The following FAM227B variants were observed in gnomAD, a reference collection of about 807,000 sequenced individuals.
The protein encoded by FAM227B is protein FAM227B.
In FAM227B, 88 loss-of-function variants were observed where a neutral mutation model predicts 73.8. The ratio of observed to expected loss-of-function variants is 1.19; its 90% CI spans 1.00 to 1.42. The LOEUF is 1.42. Among genes scored for constraint, FAM227B ranks in the 40% most tolerant of loss-of-function variants. FAM227B has a pLI of 0.00. For missense variants in FAM227B, 632 were observed against 590.9 expected, an observed-to-expected ratio of 1.07 and a Z score of -0.72; for synonymous variants, 210 against 190.5, an observed-to-expected ratio of 1.10 and a Z score of -0.84.
chr15:49,474,507 T>C (rs962325918), intron 11 of FAM227B, among the ~76,000 whole-genome samples: 7 of 152,048 alleles, frequency 4.6e-5, no homozygotes, highest in African/African-American at 1.7e-4. Context: ...GGTAAATCAA[T>C]GGGACAAAAC....
At chr15:49,519,560 G>A (rs911940013) in intron 10 of FAM227B, among the ~76,000 whole-genome samples, 1 of 152,160 alleles carries the variant, frequency 6.6e-6, no homozygotes, top group Non-Finnish European at 1.5e-5. Flanking sequence ...AACACCATGT[G>A]TAAGCCACCG....
Position 49,597,868 on chromosome 15 carries a change from C to T in FAM227B, c.106-7861G>A, listed in dbSNP as rs569582155. Among the ~76,000 whole-genome samples the T allele has an allele frequency of 8.8e-4, 134 of 151,700 alleles. 5 individuals are homozygous for T. In the South Asian group the frequency reaches 0.027, roughly 30 times the overall value. ...TCTTCACACACATAAACTAGAAAAC[C>T]TAGAGGAGATGGATAAATTCCTGGA... On this transcript the variant is annotated intron_variant, in intron 3 of 15. Transcript: ENST00000299338.
chr15:49,366,440 T>C, intron 13 of FAM227B: 2 of 922,044 alleles, frequency 2.2e-6, no homozygotes, highest in East Asian at 4.8e-5. Flanking sequence ...GTTCTTTATG[T>C]CAACAGGAGG....
intron 1 of FAM227B, among the ~76,000 whole-genome samples, chr15:49,616,482 G>A (rs2078295052): frequency 6.6e-6 from 1 of 152,066 alleles, no homozygotes; most frequent in South Asian, 2.1e-4. Flanking sequence ...TGTGAAAAAT[G>A]CCACACACTT....
In FAM227B at chr15:49,576,745, A is replaced by C; in HGVS notation, c.542T>G (p.Phe181Cys). 1 of 1,550,232 alleles carries C rather than the reference A, an allele frequency of 6.5e-7. No homozygotes were observed. Among genetic ancestry groups the C allele is most frequent in the Non-Finnish European group, 8.9e-7 (1 of 1,123,256 alleles). Residue 181 changes from phenylalanine (F) to cysteine (C), a missense_variant, in exon 7 of 16, where the codon TTT (phenylalanine) becomes TGT (cysteine). Coordinates refer to ENST00000299338, the MANE Select transcript of FAM227B (RefSeq NM_152647.3). ...TAAAATGAAATATTTACATACATCAAAATTATGGGCTTTTAAAATAAAAAG... is the reference window on the plus strand; with the variant it reads ...TAAAATGAAATATTTACATACATCACAATTATGGGCTTTTAAAATAAAAAG... ...IYLFILKAHN[F>C]DERVFKIWKT...
At chr15:49,436,273 T>C (rs190486447) in intron 11 of FAM227B, among the ~76,000 whole-genome samples, 6 of 151,756 alleles carry the variant, frequency 4.0e-5, no homozygotes, top group East Asian at 1.9e-4. Flanking sequence ...CTGAAAATAT[T>C]TGAGTAGTCA....
chr15:49,380,397 G>T, intron 11 of FAM227B, among the ~76,000 whole-genome samples: 1 of 152,046 alleles, frequency 6.6e-6, no homozygotes, highest in Non-Finnish European at 1.5e-5. Context: ...TGGTACCTAA[G>T]GTGAAGACAA....
At chr15:49,489,860 T>TATA (rs2056864120) in intron 11 of FAM227B, among the ~76,000 whole-genome samples, 8 of 6,812 alleles carry the variant, frequency 1.2e-3, no homozygotes, top group South Asian at 5.3e-3. Flanking sequence ...TATATATATT[T>TATA]TATATATATA....
intron 11 of FAM227B, among the ~76,000 whole-genome samples, chr15:49,467,612 T>C (rs1170645428): frequency 3.3e-5 from 5 of 152,164 alleles, no homozygotes; most frequent in Non-Finnish European, 5.9e-5. Context: ...GTTCTGGGAC[T>C]ATAATATCCA....
intron 7 of FAM227B, chr15:49,576,047 G>A (rs2075419500): frequency 6.6e-6 from 1 of 152,124 alleles, no homozygotes; most frequent in Non-Finnish European, 1.5e-5. Context: ...AAACTCTCAT[G>A]GCAAGAAAAT....
intron 12 of FAM227B, among the ~76,000 whole-genome samples, chr15:49,369,214 C>A (rs2045622941): frequency 6.6e-6 from 1 of 152,108 alleles, no homozygotes; most frequent in South Asian, 2.1e-4. Context: ...ACCTCGGCCT[C>A]CCAAAGTGCT....
intron 15 of FAM227B, chr15:49,329,363 A>AAAT (rs2038154031): frequency 3.0e-6 from 3 of 985,390 alleles, no homozygotes; most frequent in Non-Finnish European, 3.6e-6. Context: ...TATTTTGCTG[A>AAAT]AATACTCAGG....
chr15:49,543,391 G>A (rs11855173), intron 9 of FAM227B, among the ~76,000 whole-genome samples: 38,109 of 152,030 alleles, frequency 0.25, 5,740 homozygotes, highest in Non-Finnish European at 0.35. Context: ...TGAGTTTCTT[G>A]TAGATTCTGG....
At chr15:49,339,462 C>A (rs764827486) in intron 13 of FAM227B, among the ~76,000 whole-genome samples, 2 of 152,204 alleles carry the variant, frequency 1.3e-5, no homozygotes, top group Non-Finnish European at 2.9e-5. Flanking sequence ...GGCTGCACAA[C>A]AGTAAAGATT....
intron 8 of FAM227B, among the ~76,000 whole-genome samples, chr15:49,572,350 G>A (rs1282949869): frequency 6.6e-6 from 1 of 151,842 alleles, no homozygotes; most frequent in Non-Finnish European, 1.5e-5. Context: ...TAATTGCTAT[G>A]GCTTTCTTCT....
intron 9 of FAM227B, among the ~76,000 whole-genome samples, chr15:49,543,676 T>C (rs1398034982): frequency 1.3e-5 from 2 of 152,178 alleles, no homozygotes; most frequent in African/African-American, 2.4e-5. Context: ...CAGTTGACTT[T>C]TGTATAAGAG....
chr15:49,407,783 C>A (rs1030048417), intron 11 of FAM227B, among the ~76,000 whole-genome samples: 20 of 151,464 alleles, frequency 1.3e-4, no homozygotes, highest in African/African-American at 4.6e-4. Flanking sequence ...GTGTAACTAC[C>A]CCCACAATCA....
At chr15:49,416,728 C>T (rs987062248) in intron 11 of FAM227B, among the ~76,000 whole-genome samples, 6 of 151,516 alleles carry the variant, frequency 4.0e-5, no homozygotes, top group Admixed American at 6.6e-5. Context: ...AGCTGAAAGC[C>T]AAATCAGGAA....
At chr15:49,461,213 C>G (rs2053769254) in intron 11 of FAM227B, among the ~76,000 whole-genome samples, 1 of 152,168 alleles carries the variant, frequency 6.6e-6, no homozygotes, top group South Asian at 2.1e-4. Context: ...CACTTAGAGT[C>G]TTCCTTGTCA....
Sources: gnomAD v4.1 joint callset for allele counts (sites outside exome capture counted in the v4.1 genomes callset) on GRCh38, gnomAD v4.1.1 for gene constraint, MANE v1.5 for transcripts, NCBI Gene and HGNC (gene_info 2026-07-23, HGNC 2026-07-21) for gene names.